The following CTNNA2 variants were observed in gnomAD, a reference collection of about 807,000 sequenced individuals.
CTNNA2 encodes catenin alpha 2.
Under a neutral mutation model 101.0 loss-of-function variants are expected in CTNNA2, and 42 were observed. The ratio of observed to expected loss-of-function variants is 0.42; its 90% CI spans 0.32 to 0.54. The LOEUF is 0.54. CTNNA2 is among the 20% of genes least tolerant of loss of function. CTNNA2 has a pLI of 0.14. For missense variants in CTNNA2, 871 were observed against 1,223.1 expected (o/e 0.71, Z 4.29); for synonymous variants, 450 against 456.4 (o/e 0.99, Z 0.18).
At chr2:80,021,635 A>G (rs960166668) in intron 7 of CTNNA2, among the ~76,000 whole-genome samples, 10 of 152,348 alleles carry the variant, frequency 6.6e-5, no homozygotes, top group African/African-American at 2.4e-4. Flanking sequence ...TTTATGATAT[A>G]CATCATGATA....
intron 1 of CTNNA2, among the ~76,000 whole-genome samples, chr2:79,539,955 C>G (rs780247227): frequency 2.0e-5 from 3 of 152,100 alleles, no homozygotes; most frequent in Admixed American, 2.0e-4. Flanking sequence ...ATTAAGAAAA[C>G]CTGGCTTTTA....
chr2:80,643,440 ATGGTCTAAT>A (rs1558673828), intron 18 of CTNNA2, among the ~76,000 whole-genome samples: 1 of 152,214 alleles, frequency 6.6e-6, no homozygotes, highest in Non-Finnish European at 1.5e-5. Context: ...AAAACAGCAC[ATGGTCTAAT>A]TTGTTAAATG....
At chr2:80,380,295 C>G (rs988943440) in intron 7 of CTNNA2, among the ~76,000 whole-genome samples, 3 of 152,100 alleles carry the variant, frequency 2.0e-5, no homozygotes, top group Admixed American at 6.5e-5. Context: ...CTTGGCCTCC[C>G]AAAGTGCTGG....
intron 7 of CTNNA2, among the ~76,000 whole-genome samples, chr2:80,109,394 G>A (rs1432034257): frequency 6.6e-6 from 1 of 152,150 alleles, no homozygotes; most frequent in Admixed American, 6.5e-5. Context: ...CTGGGAGGTG[G>A]AGGTTGCAGT....
chr2:80,203,716 G>A (rs996540322), intron 7 of CTNNA2, among the ~76,000 whole-genome samples: 3 of 152,206 alleles, frequency 2.0e-5, no homozygotes, highest in African/African-American at 7.2e-5. Context: ...CTGGTTTCTG[G>A]AGGATGGTGG....
At chr2:80,353,104 A>C (rs1215889824) in intron 7 of CTNNA2, among the ~76,000 whole-genome samples, 1 of 152,096 alleles carries the variant, frequency 6.6e-6, no homozygotes, top group Non-Finnish European at 1.5e-5. Flanking sequence ...CAAAATGCTC[A>C]GGTCCTAGAG....
At chr2:79,879,869 G>A (rs1176783367) in intron 6 of CTNNA2, among the ~76,000 whole-genome samples, 1 of 152,086 alleles carries the variant, frequency 6.6e-6, no homozygotes, top group Non-Finnish European at 1.5e-5. Flanking sequence ...AACAGGAGTG[G>A]TGAGAGAGGG....
intron 7 of CTNNA2, among the ~76,000 whole-genome samples, chr2:79,913,429 T>C (rs935335771): frequency 6.6e-6 from 1 of 152,148 alleles, no homozygotes; most frequent in Admixed American, 6.5e-5. Context: ...TGTATGGTGC[T>C]GAGGCATCAG....
At chr2:80,389,543 C>A (rs184499021) in intron 7 of CTNNA2, among the ~76,000 whole-genome samples, 31 of 152,202 alleles carry the variant, frequency 2.0e-4, no homozygotes, top group African/African-American at 6.3e-4. Context: ...CAGTAGCTGG[C>A]TTCCTGTCCA....
chr2:80,515,246 A>C (rs1332662914), intron 9 of CTNNA2, among the ~76,000 whole-genome samples: 1 of 152,008 alleles, frequency 6.6e-6, no homozygotes, highest in Non-Finnish European at 1.5e-5. Context: ...AATTCTGTCA[A>C]CTGACCCACC....
At chr2:79,671,838 A>T (rs540298528) in intron 2 of CTNNA2, among the ~76,000 whole-genome samples, 1 of 152,352 alleles carries the variant, frequency 6.6e-6, no homozygotes, top group East Asian at 1.9e-4. Context: ...TTCACATTGC[A>T]TGTGGATTAC....
At chr2:79,857,903 G>C in intron 3 of CTNNA2, 110 bp from the exon 4 acceptor site, 4 of 1,161,738 alleles carry the variant, frequency 3.4e-6, no homozygotes, top group East Asian at 2.4e-5. Context: ...ATACCACCTG[G>C]TCATCAGAGT....
chr2:80,416,415 C>A (rs1680053972), intron 8 of CTNNA2, among the ~76,000 whole-genome samples: 1 of 152,096 alleles, frequency 6.6e-6, no homozygotes, highest in African/African-American at 2.4e-5. Flanking sequence ...GACATTTCTA[C>A]TTCAGATCTA....
chr2:80,175,777 C>T (rs1300103412), intron 7 of CTNNA2, among the ~76,000 whole-genome samples: 1 of 152,232 alleles, frequency 6.6e-6, no homozygotes, highest in Non-Finnish European at 1.5e-5. Flanking sequence ...GCCAACAGTT[C>T]AGCCTTCAGT....
chr2:80,627,678 GTTTCC>G (rs1373205667), intron 18 of CTNNA2, among the ~76,000 whole-genome samples: 1 of 152,052 alleles, frequency 6.6e-6, no homozygotes, highest in Non-Finnish European at 1.5e-5. Context: ...TCTGATGATA[GTTTCC>G]TTTGCTGTGC....
At chr2:79,194,382 A>G (rs1173705583) in intron 1 of CTNNA2, among the ~76,000 whole-genome samples, 2 of 152,160 alleles carry the variant, frequency 1.3e-5, no homozygotes, top group African/African-American at 4.8e-5. Context: ...GGGAATGTCC[A>G]CTTATATCAT....
At chr2:80,210,004 G>T (rs564807814) in intron 7 of CTNNA2, among the ~76,000 whole-genome samples, 81 of 152,232 alleles carry the variant, frequency 5.3e-4, no homozygotes, top group South Asian at 1.2e-3. Context: ...GTTTATGGAA[G>T]AACTTTTCCC....
intron 1 of CTNNA2, among the ~76,000 whole-genome samples, chr2:79,194,146 T>C (rs1673927369): frequency 6.6e-6 from 1 of 152,222 alleles, no homozygotes; most frequent in Admixed American, 6.5e-5. Context: ...TTTCAAAAGA[T>C]AGCCTGTCAT....
At chr2:80,048,407 A>G (rs1696664549) in intron 7 of CTNNA2, among the ~76,000 whole-genome samples, 1 of 152,188 alleles carries the variant, frequency 6.6e-6, no homozygotes, top group African/African-American at 2.4e-5. Flanking sequence ...TAATGAATAT[A>G]AAGTCTTTAA....
Sources: gnomAD v4.1 joint callset for allele counts (sites outside exome capture counted in the v4.1 genomes callset) on GRCh38, gnomAD v4.1.1 for gene constraint, MANE v1.5 for transcripts, NCBI Gene and HGNC (gene_info 2026-07-23, HGNC 2026-07-21) for gene names.